Variants in SLC45A2 observed in about 807,000 individuals in gnomAD.
The protein encoded by SLC45A2 is solute carrier family 45 member 2.
A neutral mutation model predicts 45.5 loss-of-function variants in SLC45A2; 36 were observed. The observed-to-expected ratio is 0.79, with a 90% CI of 0.61 to 1.04. The LOEUF is 1.04. SLC45A2 is among the 50% of genes least tolerant of loss of function. The probability of loss-of-function intolerance (pLI) is 0.00; values close to 1 mark genes in which losing one functional copy is unlikely to be tolerated. For synonymous variants in SLC45A2, 306 were observed against 269.3 expected, an observed-to-expected ratio of 1.14 and a Z score of -1.33; for missense variants, 719 against 671.0, an observed-to-expected ratio of 1.07 and a Z score of -0.79.
intron 2 of SLC45A2, among the ~76,000 whole-genome samples, chr5:33,969,068 T>TGTG (rs1229380417): frequency 6.7e-6 from 1 of 148,918 alleles, no homozygotes; most frequent in East Asian, 2.0e-4. Context: ...TCTCTCTCTG[T>TGTG]GTGTGTGTGT....
chr5:33,979,908 AG>A (rs1373423035), intron 2 of SLC45A2, among the ~76,000 whole-genome samples: 2 of 152,058 alleles, frequency 1.3e-5, no homozygotes, highest in East Asian at 3.9e-4. Flanking sequence ...GCCTTGGAAA[AG>A]TTTCCCTAAC....
At position 33,953,082 on chromosome 5, in the gene SLC45A2, C is replaced by T. The variant is rs985947514; in HGVS notation, c.1032+1279G>A. On this transcript the variant is annotated intron_variant, in intron 4 of 6. Transcript: ENST00000296589. ...TGTATATGTGCCACATTTTCTTAAT[C>T]CAGTCTATCATTGTTGGACATTTGG... Among the ~76,000 whole-genome samples the T allele has an allele frequency of 3.7e-5, 5 of 133,850 alleles. No homozygotes were observed. The South Asian group carries it at 1.2e-3, about 33-fold the overall frequency. The allele number at this position is 133,850 out of a possible 152,430, so 87.8% of individuals were successfully genotyped here.
intron 5 of SLC45A2, among the ~76,000 whole-genome samples, chr5:33,950,882 G>C (rs1247222840): frequency 6.6e-6 from 1 of 152,206 alleles, no homozygotes; most frequent in Non-Finnish European, 1.5e-5. Flanking sequence ...AGAGCTTGGA[G>C]ATATCCATAC....
At chr5:33,953,221 G>T (rs938103551) in intron 4 of SLC45A2, among the ~76,000 whole-genome samples, 2 of 143,812 alleles carry the variant, frequency 1.4e-5, no homozygotes, top group Non-Finnish European at 3.1e-5. Flanking sequence ...GTAATGGGAT[G>T]GCTGGGTCAA....
intron 3 of SLC45A2, among the ~76,000 whole-genome samples, chr5:33,958,021 C>T (rs1752329635): frequency 6.6e-6 from 1 of 152,168 alleles, no homozygotes; most frequent in Non-Finnish European, 1.5e-5. Context: ...AAAAACCTTT[C>T]AATGATTCTG....
chr5:33,947,012 C>T, intron 6 of SLC45A2, 151 bp downstream of exon 6: 2 of 1,589,756 alleles, frequency 1.3e-6, no homozygotes, highest in East Asian at 2.2e-5. Context: ...ATGCCTGTAC[C>T]AGATCATGGT....
chr5:33,956,922 T>C (rs1392029793), intron 3 of SLC45A2, among the ~76,000 whole-genome samples: 4 of 152,138 alleles, frequency 2.6e-5, no homozygotes, highest in Admixed American at 1.3e-4. Context: ...TCTTTTTAAT[T>C]TTTATCTTTT....
At chr5:33,948,259 T>C (rs1051626571) in intron 5 of SLC45A2, among the ~76,000 whole-genome samples, 1 of 152,226 alleles carries the variant, frequency 6.6e-6, no homozygotes, top group African/African-American at 2.4e-5. Context: ...TATATCAGTA[T>C]AGTGGCAGAA....
At chr5:33,983,072 G>A (rs979538359) in intron 1 of SLC45A2, among the ~76,000 whole-genome samples, 8 of 152,218 alleles carry the variant, frequency 5.3e-5, no homozygotes, top group Non-Finnish European at 1.2e-4. Context: ...TGGTGGGCCT[G>A]AAGGGGGCCC....
Position 33,984,656 on chromosome 5 carries a change from G to A in SLC45A2, c.-73C>T, listed in dbSNP as rs2112022781. 1 of 1,592,016 alleles carries A rather than the reference G, an allele frequency of 6.3e-7. No homozygotes were observed. Among genetic ancestry groups the A allele is most frequent in the Non-Finnish European group, 8.5e-7 (1 of 1,174,268 alleles). On this transcript the variant is annotated 5_prime_UTR_variant, in exon 1 of 7. Transcript: ENST00000296589. ...GTCCTAGGGTCTGTGTTTCAAACTG[G>A]ATTTGACGTGGAGCCTGGCCGAGCA...
chr5:33,978,267 T>C (rs1206840509), intron 2 of SLC45A2, among the ~76,000 whole-genome samples: 1 of 152,224 alleles, frequency 6.6e-6, no homozygotes, highest in Non-Finnish European at 1.5e-5. Context: ...AATTCCAACC[T>C]GACTCTGGTA....
chr5:33,949,492 A>T (rs1752035200), intron 5 of SLC45A2, among the ~76,000 whole-genome samples: 1 of 152,222 alleles, frequency 6.6e-6, no homozygotes, highest in South Asian at 2.1e-4. Context: ...AAGTCTGCAT[A>T]GTGGGTCATT....
intron 3 of SLC45A2, among the ~76,000 whole-genome samples, chr5:33,958,682 C>T (rs1752349496): frequency 6.6e-6 from 1 of 152,076 alleles, no homozygotes; most frequent in African/African-American, 2.4e-5. Context: ...GCACTGGTCT[C>T]AATTTGTTTT....
rs774502932 is a variant in SLC45A2, at chr5:33,944,806, G to C, written c.1435C>G (p.Leu479Val). 7 of 1,614,102 alleles carry C rather than the reference G, an allele frequency of 4.3e-6. No homozygotes were observed. Among genetic ancestry groups the C allele is most frequent in the Admixed American group, 1.7e-5 (1 of 60,006 alleles). Residue 479 changes from leucine (L) to valine (V), a missense_variant, in exon 7 of 7, where the codon CTC (leucine) becomes GTC (valine). By Grantham distance (32) the Leu-to-Val change is conservative. Coordinates refer to ENST00000296589, the MANE Select transcript of SLC45A2 (RefSeq NM_016180.5). The stretch of plus-strand genomic sequence containing the variant: ...TGAGCCAGCTGCACCATGCATGTGA[G>C]GGTGGCGCAGTCCATGCCCTTCCCT... ...VRGKGMDCAT[L>V]TCMVQLAQIL...
At chr5:33,951,957 A>G (rs1752114631) in intron 4 of SLC45A2, among the ~76,000 whole-genome samples, 1 of 152,072 alleles carries the variant, frequency 6.6e-6, no homozygotes, top group African/African-American at 2.4e-5. Flanking sequence ...TGACTTAGGA[A>G]ATCCCACCAC....
chr5:33,961,257 CA>C (rs983305550), intron 3 of SLC45A2, among the ~76,000 whole-genome samples: 1 of 151,970 alleles, frequency 6.6e-6, no homozygotes, highest in African/African-American at 2.4e-5. Context: ...AAAAACCAAC[CA>C]AAAAAAGCTA....
At position 33,980,709 on chromosome 5, in the gene SLC45A2, A is replaced by G. The variant is rs145490300; in HGVS notation, c.562+1527T>C. 4.1e-3 allele frequency among the ~76,000 whole-genome samples: 623 copies of G among 152,264 alleles called. 2 individuals carry two copies. The highest frequency in any genetic ancestry group is 0.014 in the African/African-American group (600 of 41,550). ...AGAGACAACCAGAAAGAAAAAAGAGAAGGAGAGAGAGAGACAGATGATAGA... is the reference window on the plus strand; with the variant it reads ...AGAGACAACCAGAAAGAAAAAAGAGGAGGAGAGAGAGAGACAGATGATAGA... On this transcript the variant is annotated intron_variant, in intron 2 of 6. Transcript: ENST00000296589.
chr5:33,977,414 T>C (rs1281577473), intron 2 of SLC45A2, among the ~76,000 whole-genome samples: 1 of 152,218 alleles, frequency 6.6e-6, no homozygotes, highest in Non-Finnish European at 1.5e-5. Flanking sequence ...CACCTTCATG[T>C]TCATCTACTC....
In SLC45A2 at chr5:33,954,369, T is replaced by C. The variant is rs143509333; in HGVS notation, c.1024A>G (p.Met342Val). Residue 342 changes from methionine (M) to valine (V), a missense_variant, in exon 4 of 7, where the codon ATG (methionine) becomes GTG (valine). Met to Val is a conservative substitution (Grantham distance 21, BLOSUM62 1). Transcript: ENST00000296589. Reference sequence around the variant, plus strand: ...ACAGACACGTTCATTACCTGGCCCATGAAATCTGTGAAGAACAGCATGTTG... The same window carrying C: ...ACAGACACGTTCATTACCTGGCCCACGAAATCTGTGAAGAACAGCATGTTG... ...LSNMLFFTDF[M>V]GQIVYRGDPY... 7 of 1,613,924 alleles carry C rather than the reference T, an allele frequency of 4.3e-6. No individual in the cohort carries two copies. Among genetic ancestry groups the C allele is most frequent in the African/African-American group, 1.3e-5 (1 of 74,898 alleles).
Sources: gnomAD v4.1 joint callset for allele counts (sites outside exome capture counted in the v4.1 genomes callset) on GRCh38, gnomAD v4.1.1 for gene constraint, MANE v1.5 for transcripts, NCBI Gene and HGNC (gene_info 2026-07-23, HGNC 2026-07-21) for gene names.